NUGGC: variants seen among roughly 807,000 people sequenced by gnomAD.
The protein encoded by NUGGC is nuclear GTPase, germinal center associated.
Under a neutral mutation model 92.6 loss-of-function variants are expected in NUGGC, and 58 were observed. The observed-to-expected ratio is 0.63, with a 90% CI of 0.51 to 0.78. The LOEUF (loss-of-function observed/expected upper bound fraction) is 0.78. Ranked by LOEUF, NUGGC falls within the 30% of genes least tolerant of loss-of-function variation. The probability of loss-of-function intolerance (pLI) is 0.00; values close to 1 mark genes in which losing one functional copy is unlikely to be tolerated. For missense variants in NUGGC, 925 were observed against 964.6 expected (o/e 0.96, Z 0.54); for synonymous variants, 376 against 366.4 (o/e 1.03, Z -0.30).
At chr8:28,057,101 T>C (rs1038692936) in intron 9 of NUGGC, among the ~76,000 whole-genome samples, 1 of 152,112 alleles carries the variant, frequency 6.6e-6, no homozygotes, top group Non-Finnish European at 1.5e-5. Context: ...ATCGGACCCA[T>C]GTGAAGTCCA....
intron 18 of NUGGC, among the ~76,000 whole-genome samples, 200 bp downstream of exon 18, chr8:28,026,762 T>TTCA (rs35745694): frequency 0.015 from 2,311 of 150,754 alleles, 30 homozygotes; most frequent in Middle Eastern, 0.034. Context: ...GGCTGTTGTT[T>TTCA]TCATCATCAT....
chr8:28,076,243 C>T (rs967885155), intron 1 of NUGGC, among the ~76,000 whole-genome samples: 2 of 152,148 alleles, frequency 1.3e-5, no homozygotes, highest in African/African-American at 4.8e-5. Context: ...GGATGGGAAG[C>T]TTTTGATGAG....
At chr8:28,071,851 C>T (rs1333693695) in intron 2 of NUGGC, among the ~76,000 whole-genome samples, 2 of 152,090 alleles carry the variant, frequency 1.3e-5, no homozygotes, top group African/African-American at 2.4e-5. Flanking sequence ...AAGAGTAGAT[C>T]CCCAAGAATC....
intron 2 of NUGGC, among the ~76,000 whole-genome samples, chr8:28,072,732 C>T (rs952919396): frequency 6.6e-6 from 1 of 152,050 alleles, no homozygotes; most frequent in African/African-American, 2.4e-5. Flanking sequence ...TGGATTTATA[C>T]CATACGAGGG....
At position 28,060,430 on chromosome 8, in the gene NUGGC, G is replaced by T; in HGVS notation, c.1093C>A (p.Leu365Ile). ...KMDKLHLPEY[L>I]RERKAGNQAI... Reference sequence around the variant, plus strand: ...CTTGCAAGCCCAGCACAATACCTTAGGTATTCTGGCAAGTGGAGTTTGTCC... The same window carrying T: ...CTTGCAAGCCCAGCACAATACCTTATGTATTCTGGCAAGTGGAGTTTGTCC... Residue 365 changes from leucine (L) to isoleucine (I), a missense_variant, in exon 8 of 19, where the codon CTA (leucine) becomes ATA (isoleucine). Transcript: ENST00000413272. 1 of 1,613,550 alleles carries T rather than the reference G, an allele frequency of 6.2e-7. No homozygotes were observed. Among genetic ancestry groups the T allele is most frequent in the South Asian group, 1.1e-5 (1 of 90,994 alleles).
intron 12 of NUGGC, 38 bp from the exon 13 acceptor site, chr8:28,041,253 T>A (rs1460398481): frequency 4.4e-6 from 7 of 1,574,530 alleles, no homozygotes; most frequent in East Asian, 2.3e-5. Context: ...GGCCACCCCC[T>A]CCCTAAGGGC....
At chr8:28,063,221 C>T (rs1263719612) in intron 7 of NUGGC, among the ~76,000 whole-genome samples, 1 of 152,174 alleles carries the variant, frequency 6.6e-6, no homozygotes, top group Non-Finnish European at 1.5e-5. Context: ...CACAAGAATG[C>T]AGGGGAGCTG....
At chr8:28,080,578 G>A (rs1315259767) in intron 1 of NUGGC, among the ~76,000 whole-genome samples, 1 of 151,980 alleles carries the variant, frequency 6.6e-6, no homozygotes, top group African/African-American at 2.4e-5. Context: ...GAAGTACTTG[G>A]TACACAGCAA....
At chr8:28,051,824 A>G (rs1436625439) in intron 10 of NUGGC, among the ~76,000 whole-genome samples, 1 of 152,212 alleles carries the variant, frequency 6.6e-6, no homozygotes, top group Non-Finnish European at 1.5e-5. Flanking sequence ...TGGGAGGCTG[A>G]GGCAGGAGAA....
At chr8:28,074,592 A>G (rs2130276540) in intron 1 of NUGGC, 136 bp from the exon 2 acceptor site, 1 of 636,308 alleles carries the variant, frequency 1.6e-6, no homozygotes, top group East Asian at 2.8e-5. Context: ...CACAACACCT[A>G]GTACACTACT....
At chr8:28,068,613 C>A (rs1810508283) in intron 4 of NUGGC, among the ~76,000 whole-genome samples, 175 bp from the exon 5 acceptor site, 1 of 152,168 alleles carries the variant, frequency 6.6e-6, no homozygotes, top group South Asian at 2.1e-4. Context: ...ACAGAGTTGG[C>A]CTGGGGATCA....
intron 17 of NUGGC, among the ~76,000 whole-genome samples, chr8:28,027,901 T>C (rs1293610777): frequency 6.6e-6 from 1 of 152,186 alleles, no homozygotes. Context: ...GACTAATCTG[T>C]ATATTCAACA....
intron 17 of NUGGC, among the ~76,000 whole-genome samples, chr8:28,028,438 A>G (rs1809325208): frequency 6.6e-6 from 1 of 152,208 alleles, no homozygotes; most frequent in Non-Finnish European, 1.5e-5. Context: ...TTGGGCAGAA[A>G]CAGGTTGGAG....
chr8:28,069,359 A>G (rs1325865460), intron 4 of NUGGC, among the ~76,000 whole-genome samples, 185 bp downstream of exon 4: 1 of 152,186 alleles, frequency 6.6e-6, no homozygotes, highest in East Asian at 1.9e-4. Context: ...TATATAAAGC[A>G]CTTAGCAGAT....
At chr8:28,059,927 A>G (rs1810252837) in intron 8 of NUGGC, among the ~76,000 whole-genome samples, 1 of 152,102 alleles carries the variant, frequency 6.6e-6, no homozygotes, top group African/African-American at 2.4e-5. Flanking sequence ...AGGCTGAGGC[A>G]GGAGAATTGC....
rs770379306 is a variant in NUGGC at position 28,045,090 on chromosome 8, T to C, written c.1446+437A>G. Among the ~76,000 whole-genome samples the C allele has an allele frequency of 3.3e-5, 5 of 152,366 alleles. No homozygotes were observed. In the East Asian group the frequency reaches 7.7e-4, roughly 23 times the overall value. ...TCCAAGCTTCCATCCTCTCACATTA[T>C]TTTCCTGTGCTCTTCTGAGCTTGAG... On this transcript the variant is annotated intron_variant, in intron 12 of 18. Coordinates refer to ENST00000413272, the MANE Select transcript of NUGGC (RefSeq NM_001010906.2).
At chr8:28,061,935 GT>G (rs146512395) in intron 7 of NUGGC, among the ~76,000 whole-genome samples, 1,692 of 152,278 alleles carry the variant, frequency 0.011, 29 homozygotes, top group African/African-American at 0.039. Flanking sequence ...AGGGCAGTGG[GT>G]TTCAGCTTGC....
At chr8:28,081,401 A>G (rs1207821144) in intron 1 of NUGGC, among the ~76,000 whole-genome samples, 1 of 152,224 alleles carries the variant, frequency 6.6e-6, no homozygotes, top group Non-Finnish European at 1.5e-5. Flanking sequence ...GCACTTATGC[A>G]TCTGTACAAA....
Position 28,068,430 on chromosome 8 carries a change from A to G in NUGGC, c.266T>C (p.Leu89Pro), listed in dbSNP as rs1183409833. 6.4e-7 allele frequency: 1 copy of G among 1,561,356 alleles called. No individual in the cohort carries two copies. ...TGTCGGCTTTTCAATCAAGGCAAGA[A>G]GCCTATTTCTGGATGAATTTTAAAA... ...PNGVKYLINR[L>P]LALIEKPTVD... Residue 89 changes from leucine (L) to proline (P), a missense_variant, in exon 5 of 19, where the codon CTT (leucine) becomes CCT (proline). By Grantham distance (98) the Leu-to-Pro change is moderately conservative. Transcript: ENST00000413272.
Sources: allele counts gnomAD v4.1 joint callset (sites outside exome capture counted in the v4.1 genomes callset), GRCh38; gene constraint gnomAD v4.1.1; transcripts MANE v1.5; gene names NCBI Gene and HGNC (gene_info 2026-07-23, HGNC 2026-07-21).